The following ABLIM1 variants were observed in gnomAD, a reference collection of about 807,000 sequenced individuals.
ABLIM1 encodes actin-binding LIM protein 1.
In ABLIM1, 40 loss-of-function variants were observed where a neutral mutation model predicts 107.0. The ratio of observed to expected loss-of-function variants is 0.37; its 90% confidence interval spans 0.29 to 0.49. The LOEUF (loss-of-function observed/expected upper bound fraction) is 0.49, where lower values mean the gene tolerates loss of function less well. Among genes scored for constraint, ABLIM1 ranks in the 20% least tolerant of loss-of-function variants. The probability of loss-of-function intolerance (pLI) is 0.97; values close to 1 mark genes in which losing one functional copy is unlikely to be tolerated. For missense variants in ABLIM1, 857 were observed against 1,008.5 expected (o/e 0.85, Z 2.04); for synonymous variants, 357 against 357.3 (o/e 1.00, Z 0.01).
intron 6 of ABLIM1, among the ~76,000 whole-genome samples, chr10:114,526,138 C>A (rs985375677): frequency 2.6e-5 from 4 of 152,060 alleles, no homozygotes; most frequent in Non-Finnish European, 2.9e-5. Context: ...TCCTTATTTT[C>A]ATTTATTGGG....
At chr10:114,722,134 G>A (rs775433545) in intron 1 of ABLIM1, among the ~76,000 whole-genome samples, 3 of 152,132 alleles carry the variant, frequency 2.0e-5, no homozygotes, top group Non-Finnish European at 4.4e-5. Flanking sequence ...TAGTTTATAA[G>A]GAAAGTTTAT....
chr10:114,762,042 C>CT (rs747196971), intron 1 of ABLIM1, among the ~76,000 whole-genome samples: 39 of 149,082 alleles, frequency 2.6e-4, no homozygotes, highest in South Asian at 6.4e-4. Context: ...TCAGGATATC[C>CT]TTTTTTTTTG....
chr10:114,648,246 A>C (rs2079088591), intron 1 of ABLIM1, among the ~76,000 whole-genome samples: 1 of 152,244 alleles, frequency 6.6e-6, no homozygotes, highest in Non-Finnish European at 1.5e-5. Flanking sequence ...TAGCAGCATT[A>C]TTCATAATAG....
chr10:114,787,613 GT>G, the ABLIM1 span, among the ~76,000 whole-genome samples: 2 of 137,826 alleles, frequency 1.5e-5, no homozygotes, highest in African/African-American at 5.4e-5. Context: ...CAGCCGCCCC[GT>G]CCGGGAGGTG....
At position 114,581,425 on chromosome 10, in the gene ABLIM1, A is replaced by G. The variant is rs1250372232; in HGVS notation, c.380-5826T>C. Among the ~76,000 whole-genome samples, 11 of 152,312 alleles carry G rather than the reference A, an allele frequency of 7.2e-5. No homozygotes were observed. In the East Asian group the frequency reaches 1.5e-3, roughly 21 times the overall value. ...TGTTCACTAGTTCATACTGCCAAACATTTAAGAGAATGGGTCATACCTAAA... is the reference window on the plus strand; with the variant it reads ...TGTTCACTAGTTCATACTGCCAAACGTTTAAGAGAATGGGTCATACCTAAA... On this transcript the variant is annotated intron_variant, in intron 2 of 22. Transcript: ENST00000533213.
At chr10:114,748,714 T>C (rs1480137069) in intron 1 of ABLIM1, among the ~76,000 whole-genome samples, 1 of 151,198 alleles carries the variant, frequency 6.6e-6, no homozygotes, top group Non-Finnish European at 1.5e-5. Flanking sequence ...TGGAGTGCAG[T>C]GACATGATCA....
At chr10:114,775,332 G>T in the ABLIM1 span, among the ~76,000 whole-genome samples, 6 of 152,096 alleles carry the variant, frequency 3.9e-5, no homozygotes, top group Admixed American at 2.6e-4. Context: ...ATATCAATAG[G>T]GTATTTGAGC....
chr10:114,559,181 G>C (rs999672981), intron 4 of ABLIM1, among the ~76,000 whole-genome samples: 13 of 152,032 alleles, frequency 8.6e-5, no homozygotes, highest in Non-Finnish European at 1.3e-4. Context: ...CAAAAGAAGG[G>C]TTCTCTTTCG....
chr10:114,680,382 C>T (rs1481047242), intron 1 of ABLIM1, among the ~76,000 whole-genome samples: 1 of 152,220 alleles, frequency 6.6e-6, no homozygotes, highest in African/African-American at 2.4e-5. Flanking sequence ...GCTTCTAGAG[C>T]TCAAGCACTT....
chr10:114,713,626 T>C (rs2081599958), intron 1 of ABLIM1, among the ~76,000 whole-genome samples: 1 of 152,228 alleles, frequency 6.6e-6, no homozygotes, highest in African/African-American at 2.4e-5. Flanking sequence ...GTGTTGGTCT[T>C]TTTTTAGTAG....
Position 114,742,763 on chromosome 10 carries a change from T to C in ABLIM1, c.-213+25298A>G, listed in dbSNP as rs982954497. 3.9e-5 allele frequency among the ~76,000 whole-genome samples: 6 copies of C among 152,216 alleles called. No homozygotes were observed. In the South Asian group the frequency reaches 1.0e-3, roughly 26 times the overall value. ...GGCAAACCTCGAGAAACCCTGTCTCTACCAAAAATACAAAAATTAGCTGGC... is the reference window on the plus strand; with the variant it reads ...GGCAAACCTCGAGAAACCCTGTCTCCACCAAAAATACAAAAATTAGCTGGC... On this transcript the variant is annotated intron_variant, in intron 1 of 15. Transcript: ENST00000651092.
At chr10:114,797,508 A>G in the ABLIM1 span, among the ~76,000 whole-genome samples, 1 of 152,136 alleles carries the variant, frequency 6.6e-6, no homozygotes, top group Non-Finnish European at 1.5e-5. Context: ...CTCTCATTCA[A>G]TGGGCTCAAA....
At chr10:114,484,542 C>G (rs1013033266) in intron 8 of ABLIM1, among the ~76,000 whole-genome samples, 1 of 152,058 alleles carries the variant, frequency 6.6e-6, no homozygotes, top group Non-Finnish European at 1.5e-5. Context: ...ACAACCATGC[C>G]TGGCTAATTT....
intron 12 of ABLIM1, among the ~76,000 whole-genome samples, chr10:114,462,386 G>A (rs1196850128): frequency 6.6e-6 from 1 of 152,170 alleles, no homozygotes; most frequent in East Asian, 1.9e-4. Flanking sequence ...AGTGTGGAGA[G>A]TCCCAACTGA....
At chr10:114,482,695 G>C (rs971309099) in intron 8 of ABLIM1, among the ~76,000 whole-genome samples, 2 of 152,306 alleles carry the variant, frequency 1.3e-5, no homozygotes, top group South Asian at 2.1e-4. Flanking sequence ...GATAGTTACA[G>C]CTGGATAATA....
At chr10:114,536,901 TA>T (rs1281251424) in intron 6 of ABLIM1, among the ~76,000 whole-genome samples, 1 of 152,156 alleles carries the variant, frequency 6.6e-6, no homozygotes, top group Non-Finnish European at 1.5e-5. Flanking sequence ...TGGTGGAGGC[TA>T]CAGATGCTTC....
At chr10:114,688,797 A>T (rs2081004154), upstream of ABLIM1, among the ~76,000 whole-genome samples, 1 of 152,246 alleles carries the variant, frequency 6.6e-6, no homozygotes, top group African/African-American at 2.4e-5. Flanking sequence ...TGGATGAATC[A>T]GTAATCAGAG....
At chr10:114,779,067 A>T in the ABLIM1 span, 5 of 152,288 alleles carry the variant, frequency 3.3e-5, no homozygotes, top group South Asian at 2.1e-4. Flanking sequence ...TTGATTTTTT[A>T]AAAAATACAT....
intron 1 of ABLIM1, among the ~76,000 whole-genome samples, chr10:114,663,446 GTAAA>G (rs1183786372): frequency 2.0e-5 from 3 of 152,158 alleles, no homozygotes; most frequent in Non-Finnish European, 2.9e-5. Context: ...TCAATGCCTT[GTAAA>G]TAACATTTGG....
Sources: allele counts gnomAD v4.1 joint callset (sites outside exome capture counted in the v4.1 genomes callset), GRCh38; gene constraint gnomAD v4.1.1; transcripts MANE v1.5; gene names NCBI Gene and HGNC (gene_info 2026-07-23, HGNC 2026-07-21).